Variants in KHDRBS3 observed in about 807,000 individuals in gnomAD.
The protein encoded by KHDRBS3 is KH domain-containing, RNA-binding, signal transduction-associated protein 3.
KHDRBS3 carries 23 observed loss-of-function variants against 45.6 expected under a neutral mutation model. That is an observed-to-expected ratio of 0.50 (90% CI 0.36 to 0.72). The LOEUF is 0.72. Ranked by LOEUF, KHDRBS3 falls within the 30% of genes least tolerant of loss-of-function variation. The pLI, the probability that KHDRBS3 is intolerant of heterozygous loss-of-function variation, is 0.00. For missense variants in KHDRBS3, 352 were observed against 424.8 expected (o/e 0.83, Z 1.51); for synonymous variants, 162 against 156.5 (o/e 1.04, Z -0.26).
At chr8:135,551,604 ACT>A (rs1826605286) in intron 4 of KHDRBS3, among the ~76,000 whole-genome samples, 2 of 152,104 alleles carry the variant, frequency 1.3e-5, no homozygotes, top group Non-Finnish European at 2.9e-5. Flanking sequence ...GATAATTCCC[ACT>A]TGGTCATGGC....
intron 5 of KHDRBS3, among the ~76,000 whole-genome samples, chr8:135,573,807 T>C (rs1827821073): frequency 6.6e-6 from 1 of 152,178 alleles, no homozygotes; most frequent in African/African-American, 2.4e-5. Context: ...TGGATTTTTT[T>C]CATATCTGAG....
At chr8:135,635,419 C>T (rs1274295385) in intron 7 of KHDRBS3, among the ~76,000 whole-genome samples, 3 of 152,130 alleles carry the variant, frequency 2.0e-5, no homozygotes, top group African/African-American at 4.8e-5. Context: ...GAGTCTTGCT[C>T]ATTGCCCAGC....
At chr8:135,529,763 G>A (rs567247170) in intron 2 of KHDRBS3, among the ~76,000 whole-genome samples, 31 of 152,230 alleles carry the variant, frequency 2.0e-4, no homozygotes, top group African/African-American at 7.5e-4. Context: ...AGTAAATTTA[G>A]AAATTAAAGT....
chr8:135,638,548 C>T (rs768879313), intron 7 of KHDRBS3, among the ~76,000 whole-genome samples: 13 of 152,176 alleles, frequency 8.5e-5, no homozygotes, highest in Non-Finnish European at 1.6e-4. Context: ...GAATAAACAG[C>T]TCACAGAATA....
intron 1 of KHDRBS3, chr8:135,458,211 C>G (rs1821218714): frequency 7.9e-6 from 10 of 1,261,438 alleles, no homozygotes. Context: ...TCTTTGGGGA[C>G]TCGGGCACAC....
At chr8:135,612,158 C>T (rs904413865) in intron 7 of KHDRBS3, among the ~76,000 whole-genome samples, 2 of 151,868 alleles carry the variant, frequency 1.3e-5, no homozygotes, top group Non-Finnish European at 1.5e-5. Context: ...CCAAAACATT[C>T]TCTTTTATAC....
At chr8:135,492,676 A>G (rs1823220525) in intron 1 of KHDRBS3, among the ~76,000 whole-genome samples, 1 of 152,062 alleles carries the variant, frequency 6.6e-6, no homozygotes, top group Admixed American at 6.6e-5. Flanking sequence ...TTAAGCCAGT[A>G]CCAAGTTATA....
At chr8:135,561,173 A>G (rs991409075) in intron 5 of KHDRBS3, among the ~76,000 whole-genome samples, 9 of 152,106 alleles carry the variant, frequency 5.9e-5, no homozygotes, top group African/African-American at 1.7e-4. Flanking sequence ...GTATTCTTCT[A>G]TATCTTTGCT....
intron 6 of KHDRBS3, among the ~76,000 whole-genome samples, chr8:135,605,347 G>A (rs936416326): frequency 6.6e-6 from 1 of 151,728 alleles, no homozygotes; most frequent in Admixed American, 6.6e-5. Flanking sequence ...TCCTCAGACT[G>A]GATTTTCTCC....
At chr8:135,558,434 G>A (rs1042813820) in intron 5 of KHDRBS3, among the ~76,000 whole-genome samples, 6 of 152,058 alleles carry the variant, frequency 3.9e-5, no homozygotes, top group Non-Finnish European at 8.8e-5. Flanking sequence ...ATAGAATTTT[G>A]CATGAAGTAA....
intron 6 of KHDRBS3, among the ~76,000 whole-genome samples, chr8:135,601,973 C>T (rs1156479225): frequency 1.3e-5 from 2 of 152,084 alleles, no homozygotes; most frequent in Non-Finnish European, 2.9e-5. Context: ...AAAAGGGAGG[C>T]CTGCTAAACG....
intron 5 of KHDRBS3, among the ~76,000 whole-genome samples, chr8:135,573,979 G>A (rs1448407865): frequency 6.6e-6 from 1 of 151,994 alleles, no homozygotes; most frequent in East Asian, 1.9e-4. Flanking sequence ...CTATCAATTT[G>A]GATCTGCTTT....
chr8:135,646,899 G>A (rs149506636), intron 8 of KHDRBS3, 94 bp from the exon 9 acceptor site: 6 of 729,526 alleles, frequency 8.2e-6, no homozygotes, highest in Admixed American at 1.9e-5. Flanking sequence ...AATATGACAT[G>A]TACCTTTGGT....
At chr8:135,545,256 G>T (rs1826235685) in intron 3 of KHDRBS3, among the ~76,000 whole-genome samples, 1 of 152,042 alleles carries the variant, frequency 6.6e-6, no homozygotes, top group Non-Finnish European at 1.5e-5. Context: ...ATTGATCGTA[G>T]GCCAGGAGAT....
intron 5 of KHDRBS3, among the ~76,000 whole-genome samples, chr8:135,565,984 A>G (rs1205791082): frequency 1.3e-5 from 2 of 152,232 alleles, no homozygotes; most frequent in Non-Finnish European, 2.9e-5. Context: ...GTTTAAGCTT[A>G]TGTTGTTACA....
chr8:135,475,092 C>A (rs1163363112), intron 1 of KHDRBS3, among the ~76,000 whole-genome samples: 1 of 152,216 alleles, frequency 6.6e-6, no homozygotes, highest in Non-Finnish European at 1.5e-5. Context: ...ATTGGGCTTA[C>A]CTGGATAATC....
chr8:135,545,435 C>T (rs1243950903), intron 3 of KHDRBS3, among the ~76,000 whole-genome samples: 2 of 152,158 alleles, frequency 1.3e-5, no homozygotes, highest in Admixed American at 1.3e-4. Context: ...TCCTCCCAGA[C>T]GTCAATGTGT....
At chr8:135,577,363 T>G (rs1172252520) in intron 5 of KHDRBS3, among the ~76,000 whole-genome samples, 1 of 152,194 alleles carries the variant, frequency 6.6e-6, no homozygotes, top group Admixed American at 6.5e-5. Flanking sequence ...ACCGTCATTT[T>G]GGTATCATAC....
chr8:135,625,668 A>C (rs967398357), intron 7 of KHDRBS3: 126 of 822,682 alleles, frequency 1.5e-4, no homozygotes, highest in Middle Eastern at 1.5e-3. Flanking sequence ...AACGAATTCA[A>C]AATTTTCCTG....
Sources: allele counts gnomAD v4.1 joint callset (sites outside exome capture counted in the v4.1 genomes callset), GRCh38; gene constraint gnomAD v4.1.1; transcripts MANE v1.5; gene names NCBI Gene and HGNC (gene_info 2026-07-23, HGNC 2026-07-21).